The following ANKAR variants were observed in gnomAD, a reference collection of about 807,000 sequenced individuals.
The protein encoded by ANKAR is ankyrin and armadillo repeat-containing protein.
ANKAR carries 136 observed loss-of-function variants against 146.2 expected under a neutral mutation model. That is an observed-to-expected ratio of 0.93 (90% CI 0.81 to 1.07). ANKAR has a LOEUF of 1.07. Ranked by LOEUF, ANKAR falls within the 50% of genes least tolerant of loss-of-function variation. The pLI is 0.00. For synonymous variants in ANKAR, 500 were observed against 575.8 expected (o/e 0.87, Z 1.88); for missense variants, 1,567 against 1,679.9 (o/e 0.93, Z 1.18).
intron 11 of ANKAR, 71 bp from the exon 12 acceptor site, chr2:189,720,548 C>G (rs2041123068): frequency 8.6e-7 from 1 of 1,156,826 alleles, no homozygotes; most frequent in African/African-American, 1.6e-5. Flanking sequence ...TTCCGGCCAA[C>G]TTGTATTTCT....
rs957742896 is a variant in ANKAR at position 189,711,070 on chromosome 2, A to G, written c.2141A>G (p.Tyr714Cys). Residue 714 changes from tyrosine to cysteine, a missense_variant, in exon 10 of 23, where the codon TAT (tyrosine) becomes TGT (cysteine). Tyr to Cys is a radical substitution (Grantham distance 194, BLOSUM62 -2). Transcript: ENST00000684021. Reference protein sequence around the residue: ...TLVEMLQCESYKRRMMAVMSL... With the variant: ...TLVEMLQCESCKRRMMAVMSL... ...ACAGAAATGTTACAGTGTGAAAGCTATAAACGAAGGATGATGGCCGTCATG... is the reference window on the plus strand; with the variant it reads ...ACAGAAATGTTACAGTGTGAAAGCTGTAAACGAAGGATGATGGCCGTCATG... 4.3e-6 allele frequency: 7 copies of G among 1,613,956 alleles called. No homozygotes were observed. The Admixed American group carries it at 8.3e-5, about 19-fold the overall frequency.
downstream of ANKAR, chr2:189,750,390 T>C: frequency 2.4e-6 from 1 of 415,126 alleles, no homozygotes; most frequent in East Asian, 4.3e-5. Context: ...AAAAACTATC[T>C]TCCCTTGTAA....
intron 2 of ANKAR, among the ~76,000 whole-genome samples, chr2:189,689,029 A>G (rs1439903610): frequency 1.3e-5 from 2 of 152,186 alleles, no homozygotes; most frequent in Non-Finnish European, 2.9e-5. Flanking sequence ...TCTTGAGGAC[A>G]GTGTTTGTTT....
chr2:189,689,649 A>G lies in ANKAR; in HGVS notation c.724A>G (p.Asn242Asp). Residue 242 changes from asparagine to aspartate, a missense_variant, in exon 3 of 23, where the codon AAT (asparagine) becomes GAT (aspartate). Transcript: ENST00000684021. ...ETAVFMKYAE[N>D]IMLKLTFSTT... ...AGCTGTATTTATGAAATATGCTGAA[A>G]ATATTATGCTAAAGTTAACATTCAG... The G allele has an allele frequency of 6.2e-7, 1 of 1,613,820 alleles. No homozygotes were observed. Among genetic ancestry groups the G allele is most frequent in the Non-Finnish European group, 8.5e-7 (1 of 1,179,824 alleles).
At chr2:189,698,085 C>A (rs956940238) in intron 7 of ANKAR, among the ~76,000 whole-genome samples, 1 of 152,030 alleles carries the variant, frequency 6.6e-6, no homozygotes, top group African/African-American at 2.4e-5. Flanking sequence ...AAAACAGAGT[C>A]ATCCAAAGTA....
At chr2:189,733,004 A>G in intron 16 of ANKAR, 103 bp from the exon 17 acceptor site, 1 of 1,134,596 alleles carries the variant, frequency 8.8e-7, no homozygotes, top group Non-Finnish European at 1.2e-6. Context: ...AGCAGATTTT[A>G]TAGTATCTTT....
At chr2:189,761,644 TACTC>T (rs758780308), downstream of ANKAR, 18 of 1,572,154 alleles carry the variant, frequency 1.1e-5, no homozygotes, top group Middle Eastern at 2.3e-4. Context: ...TTAGCATACT[TACTC>T]TATAGATAAT....
At chr2:189,744,012 G>A (rs1292316625) in intron 21 of ANKAR, among the ~76,000 whole-genome samples, 1 of 152,164 alleles carries the variant, frequency 6.6e-6, no homozygotes, top group East Asian at 1.9e-4. Flanking sequence ...GAGGAGAAGA[G>A]AATCTCTACT....
At chr2:189,725,783 C>T (rs574745300) in intron 12 of ANKAR, among the ~76,000 whole-genome samples, 2 of 152,250 alleles carry the variant, frequency 1.3e-5, no homozygotes, top group East Asian at 3.9e-4. Flanking sequence ...TGGCACATGC[C>T]TGTATTCCCA....
At position 189,754,904 on chromosome 2, in the gene ANKAR, ACATT is replaced by A. The variant is rs1166851143; in HGVS notation, c.*585-6193_*585-6190del. 1.6e-4 allele frequency: 65 copies of A among 418,666 alleles called. No individual in the cohort carries two copies. In the South Asian group the frequency reaches 1.8e-3, roughly 12 times the overall value. 25.9% of individuals were successfully genotyped at this position (418,666 alleles called of 1,614,324 possible). A position where few individuals can be genotyped will look rare whatever the true frequency, so the allele number is the denominator to read the frequency against. ...GTTTACGAAGCACGTTCTTTCACATACATTATTTGGCAAAATACATAACTGTATC... is the reference window on the plus strand; with the variant it reads ...GTTTACGAAGCACGTTCTTTCACATAATTTGGCAAAATACATAACTGTATC... On this transcript the variant is annotated intron_variant and NMD_transcript_variant, in intron 18 of 18. Transcript: ENST00000441800.
At chr2:189,730,678 C>A in intron 16 of ANKAR, 77 bp downstream of exon 16, 1 of 668,674 alleles carries the variant, frequency 1.5e-6, no homozygotes, top group Admixed American at 3.9e-5. Context: ...TATCTTTATT[C>A]AAGTTCATAA....
At chr2:189,709,644 T>A (rs1042116405) in intron 9 of ANKAR, among the ~76,000 whole-genome samples, 1 of 152,252 alleles carries the variant, frequency 6.6e-6, no homozygotes, top group Non-Finnish European at 1.5e-5. Flanking sequence ...TCAACCCCAT[T>A]CTACTGATTC....
intron 3 of ANKAR, 102 bp from the exon 4 acceptor site, chr2:189,692,153 A>C: frequency 1.0e-6 from 1 of 986,666 alleles, no homozygotes; most frequent in Non-Finnish European, 1.5e-6. Flanking sequence ...TTTCATCTGG[A>C]ATTTTCTCAC....
chr2:189,731,586 G>A (rs2105849929), intron 16 of ANKAR, among the ~76,000 whole-genome samples: 1 of 151,974 alleles, frequency 6.6e-6, no homozygotes, highest in East Asian at 1.9e-4. Context: ...TGGCCAGGCT[G>A]GTCTTGAATT....
rs573312295 is a variant in ANKAR at position 189,723,662 on chromosome 2, A to G, written c.2635+2875A>G. On this transcript the variant is annotated intron_variant, in intron 12 of 22. Coordinates refer to ENST00000684021, the MANE Select transcript of ANKAR (RefSeq NM_001378068.1). ...TGAAAACTTTGGAATTATGACCCCA[A>G]AAGTTGTAAAGTCTGCCTTCACCAT... Among the ~76,000 whole-genome samples, 12 of 152,270 alleles carry G rather than the reference A, an allele frequency of 7.9e-5. No individual in the cohort carries two copies. In the South Asian group the frequency reaches 2.5e-3, roughly 32 times the overall value.
downstream of ANKAR, chr2:189,763,059 C>T (rs773848011): frequency 1.6e-5 from 16 of 984,188 alleles, no homozygotes; most frequent in Admixed American, 6.2e-5. Context: ...TTTTTTTTTG[C>T]CCTTGGCTGG....
chr2:189,743,299 C>T lies in ANKAR; in HGVS notation c.3835C>T (p.Leu1279Phe). Residue 1279 changes from leucine to phenylalanine, a missense_variant, in exon 21 of 23, where the codon CTT (leucine) becomes TTT (phenylalanine). By Grantham distance (22) the Leu-to-Phe change is conservative (BLOSUM62 0). Coordinates refer to ENST00000684021, the MANE Select transcript of ANKAR (RefSeq NM_001378068.1). ...GGTTCGTGCAGCTTGTTCCTCTGCT[C>T]TTGGCTACTTAACATACAATGCAAA... ...EEVRAACSSA[L>F]GYLTYNANAF... 1 of 1,613,980 alleles carries T rather than the reference C, an allele frequency of 6.2e-7. No homozygotes were observed. Among genetic ancestry groups the T allele is most frequent in the Non-Finnish European group, 8.5e-7 (1 of 1,179,932 alleles).
downstream of ANKAR, among the ~76,000 whole-genome samples, chr2:189,749,047 C>T (rs1029833044): frequency 6.6e-6 from 1 of 151,964 alleles, no homozygotes; most frequent in Non-Finnish European, 1.5e-5. Flanking sequence ...GAGTTCGAGA[C>T]CAGCCTAGCC....
chr2:189,751,105 C>T (rs767128430), downstream of ANKAR, among the ~76,000 whole-genome samples: 6 of 152,180 alleles, frequency 3.9e-5, no homozygotes, highest in Non-Finnish European at 8.8e-5. Flanking sequence ...TTTCTACCAT[C>T]CTTTGCCATT....
Sources: allele counts gnomAD v4.1 joint callset (sites outside exome capture counted in the v4.1 genomes callset), GRCh38; gene constraint gnomAD v4.1.1; transcripts MANE v1.5; gene names NCBI Gene and HGNC (gene_info 2026-07-23, HGNC 2026-07-21).